The following ROCK2 variants were observed in gnomAD, a reference collection of about 807,000 sequenced individuals.
The protein encoded by ROCK2 is rho-associated protein kinase 2.
Under a neutral mutation model 195.1 loss-of-function variants are expected in ROCK2, and 61 were observed. The observed-to-expected ratio is 0.31, with a 90% CI of 0.25 to 0.39. The LOEUF is 0.39. Among genes scored for constraint, ROCK2 ranks in the 10% least tolerant of loss-of-function variants. ROCK2 has a pLI of 1.00. For missense variants in ROCK2, 1,109 were observed against 1,637.4 expected, an observed-to-expected ratio of 0.68 and a Z score of 5.57; for synonymous variants, 504 against 545.5, an observed-to-expected ratio of 0.92 and a Z score of 1.06.
At chr2:11,227,487 C>T (rs1664855998) in intron 5 of ROCK2, 89 bp from the exon 6 acceptor site, 1 of 1,217,442 alleles carries the variant, frequency 8.2e-7, no homozygotes, top group East Asian at 2.4e-5. Flanking sequence ...ACTAGATATA[C>T]AATGATTACA....
intron 10 of ROCK2, 89 bp downstream of exon 10, chr2:11,218,877 C>A (rs375982785): frequency 1.3e-5 from 9 of 675,168 alleles, no homozygotes; most frequent in African/African-American, 1.1e-4. Flanking sequence ...TTAAAAGGAG[C>A]ATCAAATTAG....
chr2:11,252,240 G>A (rs1233911833), intron 3 of ROCK2, among the ~76,000 whole-genome samples: 2 of 151,918 alleles, frequency 1.3e-5, no homozygotes, highest in Admixed American at 6.6e-5. Flanking sequence ...GTGAAACCCC[G>A]TTTCTACCAA....
intron 20 of ROCK2, among the ~76,000 whole-genome samples, chr2:11,202,654 C>T (rs1045005049): frequency 1.1e-4 from 16 of 152,066 alleles, no homozygotes; most frequent in Non-Finnish European, 1.8e-4. Flanking sequence ...CCTGCCACCA[C>T]ACCTGGCTAA....
chr2:11,207,458 G>GT (rs1558290889), intron 20 of ROCK2, among the ~76,000 whole-genome samples: 2 of 152,132 alleles, frequency 1.3e-5, no homozygotes. Context: ...TAAAAGCATG[G>GT]TATGAAAATC....
intron 4 of ROCK2, among the ~76,000 whole-genome samples, chr2:11,245,363 T>C (rs1279238210): frequency 6.6e-6 from 1 of 151,856 alleles, no homozygotes; most frequent in East Asian, 1.9e-4. Context: ...ATCAAGGAAG[T>C]ACAACTTAAC....
At chr2:11,191,506 A>G (rs1663423032) in intron 32 of ROCK2, among the ~76,000 whole-genome samples, 1 of 152,226 alleles carries the variant, frequency 6.6e-6, no homozygotes, top group African/African-American at 2.4e-5. Flanking sequence ...ATTTGATTTA[A>G]AACTTAAGCT....
intron 1 of ROCK2, among the ~76,000 whole-genome samples, chr2:11,297,506 C>T (rs1412727941): frequency 6.6e-6 from 1 of 152,016 alleles, no homozygotes. Flanking sequence ...TATTTTAAAT[C>T]CCAATGCATT....
At chr2:11,222,430 T>C (rs561609029) in intron 7 of ROCK2, among the ~76,000 whole-genome samples, 17 of 152,260 alleles carry the variant, frequency 1.1e-4, no homozygotes, top group Admixed American at 5.9e-4. Flanking sequence ...TTGCATCAAA[T>C]GAAAGTACGT....
intron 5 of ROCK2, among the ~76,000 whole-genome samples, chr2:11,230,989 TC>T (rs1257465189): frequency 2.0e-5 from 3 of 152,118 alleles, no homozygotes; most frequent in Non-Finnish European, 4.4e-5. Context: ...CCATAATACA[TC>T]AAATACATTT....
Position 11,211,770 on chromosome 2 carries a change from T to G in ROCK2, c.2114A>C (p.Glu705Ala), listed in dbSNP as rs1664256390. The G allele has an allele frequency of 1.9e-6, 3 of 1,613,756 alleles. No homozygotes were observed. Among genetic ancestry groups the G allele is most frequent in the Non-Finnish European group, 1.7e-6 (2 of 1,179,810 alleles). ...TGCCTTTGTGGCCTTATGTTCAGCT[T>G]CTTCTTGTTCTAGGCTCTGCTGTAT... ...KVIQQSLEQE[E>A]AEHKATKARL... Residue 705 changes from glutamate to alanine, a missense_variant, in exon 18 of 33, where the codon GAA becomes GCA. Glu to Ala is a moderately radical substitution (Grantham distance 107). Transcript: ENST00000315872.
intron 1 of ROCK2, 84 bp downstream of exon 1, chr2:11,343,912 G>T: frequency 6.8e-7 from 1 of 1,467,584 alleles, no homozygotes; most frequent in Non-Finnish European, 9.1e-7. Context: ...CCTCCCCACG[G>T]GCGGACGGGC....
In ROCK2 at chr2:11,344,371, A is replaced by G. The variant is rs1669216702; in HGVS notation, c.-235T>C. ...GGCCCTGCCGGGAGCGGCGGGGAAC[A>G]GACGGCGTCCCCGCCCCTCAGTCAG... On this transcript the variant is annotated 5_prime_UTR_variant, in exon 1 of 33. Transcript: ENST00000315872. This position sits in a 1 kb window ranked among gnomAD's most constrained non-coding sequence, Gnocchi z 5.4. 1 of 1,153,956 alleles carries G rather than the reference A, an allele frequency of 8.7e-7. No homozygotes were observed. Among genetic ancestry groups the G allele is most frequent in the African/African-American group, 1.6e-5 (1 of 61,908 alleles). The allele number at this position is 1,153,956 out of a possible 1,614,324, so 71.5% of individuals were successfully genotyped here. A position where few individuals can be genotyped will look rare whatever the true frequency, so the allele number is the denominator to read the frequency against.
Position 11,218,108 on chromosome 2 carries a change from G to C in ROCK2, c.1332+347C>G, listed in dbSNP as rs184953399. 1.9e-3 allele frequency: 350 copies of C among 182,228 alleles called. 3 individuals carry two copies. Among genetic ancestry groups the C allele is most frequent in the African/African-American group, 7.9e-3 (338 of 42,824 alleles). 11.3% of individuals were successfully genotyped at this position (182,228 alleles called of 1,614,324 possible). On this transcript the variant is annotated intron_variant, in intron 11 of 32. Coordinates refer to ENST00000315872, the MANE Select transcript of ROCK2 (RefSeq NM_004850.5). ...CTGCATCTATCTTAAGCAAAACTCT[G>C]TTTTCCCTTAATAAAAATATACAGG...
chr2:11,290,269 T>G (rs10180914), intron 1 of ROCK2, among the ~76,000 whole-genome samples: 49,122 of 151,898 alleles, frequency 0.32, 8,218 homozygotes, highest in East Asian at 0.54. Context: ...TTCATAAGTT[T>G]TAAGTGTCAG....
chr2:11,250,489 A>G (rs1665793252), intron 3 of ROCK2, among the ~76,000 whole-genome samples: 2 of 152,222 alleles, frequency 1.3e-5, no homozygotes, highest in Non-Finnish European at 1.5e-5. Context: ...TTAATGAATG[A>G]TTATAACAGT....
rs1183850113 is a variant in ROCK2, at chr2:11,290,407, T to C, written c.142-2671A>G. 2.6e-5 allele frequency among the ~76,000 whole-genome samples: 4 copies of C among 152,114 alleles called. No homozygotes were observed. In the East Asian group the frequency reaches 7.7e-4, roughly 29 times the overall value. ...TGAGCCCAGGAGTTCAAGAGCAGCC[T>C]GGGCAACACAGCAAGACCCCATCTC... On this transcript the variant is annotated intron_variant, in intron 1 of 32. Coordinates refer to ENST00000315872, the MANE Select transcript of ROCK2 (RefSeq NM_004850.5).
rs1191167022 is a variant in ROCK2, at chr2:11,201,340, T to G, written c.2693A>C (p.Gln898Pro). Residue 898 changes from glutamine to proline, a missense_variant, in exon 22 of 33, where the codon CAG (glutamine) becomes CCG (proline). Gln to Pro is a moderately conservative substitution (Grantham distance 76). Transcript: ENST00000315872. This position sits in a 1 kb window ranked among gnomAD's most constrained non-coding sequence, Gnocchi z 4.6. Reference sequence around the variant, plus strand: ...ATCCTGTAATTCCTGTTTCTTCTGCTGCAATTCTTTACCAAGTTTGGTCTT... The same window carrying G: ...ATCCTGTAATTCCTGTTTCTTCTGCGGCAATTCTTTACCAAGTTTGGTCTT... The part of the protein sequence containing the change: ...EEKTKLGKEL[Q>P]QKKQELQDER... The G allele has an allele frequency of 6.2e-7, 1 of 1,612,660 alleles. No individual in the cohort carries two copies.
At position 11,192,862 on chromosome 2, in the gene ROCK2, C is replaced by T. The variant is rs1037748578; in HGVS notation, c.3688-150G>A. ...AAGTACAAACTTAAGCTCTTGATTA[C>T]GCAAACTTAATCAAGAGCTTATATA... On this transcript the variant is annotated intron_variant, in intron 30 of 32. Coordinates refer to ENST00000315872, the MANE Select transcript of ROCK2 (RefSeq NM_004850.5). The surrounding 1 kb of genome is among the most constrained non-coding windows in gnomAD (Gnocchi z 5.0). The T allele has an allele frequency of 8.7e-5, 80 of 922,842 alleles. No homozygotes were observed. Among genetic ancestry groups the T allele is most frequent in the African/African-American group, 6.7e-4 (40 of 59,770 alleles). The allele number at this position is 922,842 out of a possible 1,614,324, so 57.2% of individuals were successfully genotyped here. A position where few individuals can be genotyped will look rare whatever the true frequency, so the allele number is the denominator to read the frequency against.
chr2:11,326,867 T>C lies in ROCK2; in HGVS notation c.141+17129A>G, dbSNP rs13387757. Among the ~76,000 whole-genome samples, 1,326 of 152,308 alleles carry C rather than the reference T, an allele frequency of 8.7e-3. 20 individuals are homozygous for C. Among genetic ancestry groups the C allele is most frequent in the African/African-American group, 0.03 (1,263 of 41,566 alleles). ...CTGGTGAGTCAAGTAACAGGAAATA[T>C]AAGGGGTCTCCTTTTCATGGGTTCT... On this transcript the variant is annotated intron_variant, in intron 1 of 32. Transcript: ENST00000315872.
Sources: gnomAD v4.1 joint callset for allele counts (sites outside exome capture counted in the v4.1 genomes callset) on GRCh38, gnomAD v4.1.1 for gene constraint, Gnocchi (gnomAD v3.1) non-coding constraint, MANE v1.5 for transcripts, NCBI Gene and HGNC (gene_info 2026-07-23, HGNC 2026-07-21) for gene names.